Variants in NUGGC observed in about 807,000 individuals in gnomAD.
NUGGC encodes the protein nuclear GTPase, germinal center associated, also known as nuclear GTPase SLIP-GC.
Under a neutral mutation model 92.6 loss-of-function variants are expected in NUGGC, and 58 were observed. The ratio of observed to expected loss-of-function variants is 0.63; its 90% confidence interval spans 0.51 to 0.78. NUGGC has a LOEUF of 0.78. Ranked by LOEUF, NUGGC falls within the 30% of genes least tolerant of loss-of-function variation. The probability of loss-of-function intolerance (pLI) is 0.00; values close to 1 mark genes in which losing one functional copy is unlikely to be tolerated. For synonymous variants in NUGGC, 376 were observed against 366.4 expected (o/e 1.03, Z -0.30); for missense variants, 925 against 964.6 (o/e 0.96, Z 0.54).
In NUGGC at chr8:28,067,678, C is replaced by G; in HGVS notation, c.547G>C (p.Glu183Gln). The G allele has an allele frequency of 6.2e-7, 1 of 1,614,038 alleles. No individual in the cohort carries two copies. Among genetic ancestry groups the G allele is most frequent in the East Asian group, 2.2e-5 (1 of 44,886 alleles). ...LHRTEELSRE[E>Q]ADAWNRDEAV... ...TCATCCCTGTTCCACGCATCTGCCT[C>G]TTCTCTGCTCAGCTCCTCCGTCCTA... Residue 183 changes from glutamate to glutamine, a missense_variant, in exon 6 of 19, where the codon GAG becomes CAG. Physicochemically the swap from Glu to Gln is conservative, Grantham distance 29 (BLOSUM62 2). Transcript: ENST00000413272.
intron 12 of NUGGC, 38 bp from the exon 13 acceptor site, chr8:28,041,253 T>C: frequency 6.4e-7 from 1 of 1,574,530 alleles, no homozygotes. Flanking sequence ...GGCCACCCCC[T>C]CCCTAAGGGC....
chr8:28,078,588 G>GAACT (rs2130291224), intron 1 of NUGGC, among the ~76,000 whole-genome samples: 1 of 152,290 alleles, frequency 6.6e-6, no homozygotes, highest in African/African-American at 2.4e-5. Flanking sequence ...GGCAAAGACT[G>GAACT]AACTAGTCCT....
At chr8:28,075,820 T>C (rs1255321022) in intron 1 of NUGGC, among the ~76,000 whole-genome samples, 2 of 152,120 alleles carry the variant, frequency 1.3e-5, no homozygotes, top group East Asian at 1.9e-4. Flanking sequence ...AAGTGCAAGA[T>C]TCTGAGTCTT....
At chr8:28,024,500 A>T (rs998244864) in intron 18 of NUGGC, among the ~76,000 whole-genome samples, 1 of 152,088 alleles carries the variant, frequency 6.6e-6, no homozygotes, top group Non-Finnish European at 1.5e-5. Context: ...CGTGTGGGCC[A>T]ACTTCTTAAA....
intron 1 of NUGGC, among the ~76,000 whole-genome samples, chr8:28,076,358 G>A (rs1168667032): frequency 6.6e-6 from 1 of 152,194 alleles, no homozygotes; most frequent in African/African-American, 2.4e-5. Context: ...GAATGCAGCG[G>A]CACAATCTCA....
chr8:28,050,825 A>G (rs56409954), intron 10 of NUGGC, among the ~76,000 whole-genome samples: 6 of 151,922 alleles, frequency 3.9e-5, no homozygotes, highest in African/African-American at 9.7e-5. Flanking sequence ...AAAAAAAAAA[A>G]TCATGACCTG....
intron 16 of NUGGC, among the ~76,000 whole-genome samples, chr8:28,029,909 G>C (rs557513468): frequency 4.7e-4 from 72 of 152,254 alleles, no homozygotes; most frequent in Non-Finnish European, 7.8e-4. Context: ...ACTGAATTAA[G>C]CTGAAACTTG....
chr8:28,024,615 T>A (rs551966449), intron 18 of NUGGC, among the ~76,000 whole-genome samples: 8 of 152,326 alleles, frequency 5.3e-5, no homozygotes, highest in African/African-American at 1.9e-4. Context: ...GACTGAGCCC[T>A]GAATGCCTTT....
At chr8:28,026,417 C>T (rs1027822049) in intron 18 of NUGGC, among the ~76,000 whole-genome samples, 1 of 152,200 alleles carries the variant, frequency 6.6e-6, no homozygotes, top group African/African-American at 2.4e-5. Context: ...TGGTTGCCTA[C>T]ACCAAGGTCC....
chr8:28,048,798 G>A (rs974477063), intron 10 of NUGGC, among the ~76,000 whole-genome samples: 14 of 151,140 alleles, frequency 9.3e-5, no homozygotes, highest in African/African-American at 3.4e-4. Context: ...GGGAGGTAGA[G>A]GTTGCAATGA....
intron 1 of NUGGC, among the ~76,000 whole-genome samples, chr8:28,083,086 C>T (rs955135695): frequency 2.0e-5 from 3 of 152,114 alleles, no homozygotes; most frequent in Admixed American, 6.6e-5. Flanking sequence ...AATAAAACTC[C>T]CTGCTCCTTA....
At chr8:28,040,522 C>G (rs1244106180) in intron 13 of NUGGC, among the ~76,000 whole-genome samples, 1 of 152,192 alleles carries the variant, frequency 6.6e-6, no homozygotes, top group Non-Finnish European at 1.5e-5. Flanking sequence ...TCCCAGATTC[C>G]CACTCTGTCT....
At chr8:28,081,417 T>A (rs960182025) in intron 1 of NUGGC, among the ~76,000 whole-genome samples, 10 of 152,234 alleles carry the variant, frequency 6.6e-5, no homozygotes, top group Non-Finnish European at 1.5e-4. Flanking sequence ...ACAAATGTTA[T>A]TTTTTGAATA....
At chr8:28,067,451 C>A in intron 6 of NUGGC, 63 bp downstream of exon 6, 3 of 1,062,874 alleles carry the variant, frequency 2.8e-6, no homozygotes, top group South Asian at 1.4e-5. Context: ...TCCCCTGAAA[C>A]AGGTTCAACT....
At chr8:28,065,878 A>T (rs1585594277) in intron 6 of NUGGC, among the ~76,000 whole-genome samples, 1 of 152,352 alleles carries the variant, frequency 6.6e-6, no homozygotes, top group East Asian at 1.9e-4. Flanking sequence ...AGACATTGTA[A>T]TTTTAAAATA....
At chr8:28,054,676 T>C (rs548590941) in intron 10 of NUGGC, among the ~76,000 whole-genome samples, 1 of 152,324 alleles carries the variant, frequency 6.6e-6, no homozygotes, top group African/African-American at 2.4e-5. Context: ...GCAGCCTGTG[T>C]GAACGGTGTT....
intron 2 of NUGGC, among the ~76,000 whole-genome samples, chr8:28,072,130 A>C (rs1810605749): frequency 2.6e-5 from 4 of 152,170 alleles, no homozygotes; most frequent in Admixed American, 2.6e-4. Context: ...CAAGGCCTGA[A>C]TCTCTGCCAC....
At chr8:28,027,547 C>A (rs1350221946) in intron 17 of NUGGC, among the ~76,000 whole-genome samples, 1 of 152,192 alleles carries the variant, frequency 6.6e-6, no homozygotes, top group African/African-American at 2.4e-5. Flanking sequence ...TCTTGCTACT[C>A]TTAGTCCTTT....
chr8:28,067,666 A>ACG lies in NUGGC; in HGVS notation c.557_558dup (p.Trp187ArgfsTer17). ...TCCTCCACTGCCTCATCCCTGTTCC[A>ACG]CGCATCTGCCTCTTCTCTGCTCAGC... On this transcript the variant is annotated frameshift_variant, in exon 6 of 19. Transcript: ENST00000413272. LOFTEE classifies it high-confidence loss of function. The ACG allele has an allele frequency of 6.2e-7, 1 of 1,613,930 alleles. No individual in the cohort carries two copies. Among genetic ancestry groups the ACG allele is most frequent in the South Asian group, 1.1e-5 (1 of 91,082 alleles).
Sources: gnomAD v4.1 joint callset for allele counts (sites outside exome capture counted in the v4.1 genomes callset) on GRCh38, gnomAD v4.1.1 for gene constraint, MANE v1.5 for transcripts, NCBI Gene and HGNC (gene_info 2026-07-23, HGNC 2026-07-21) for gene names.